Variants in CDK8 observed in about 807,000 individuals in gnomAD.
The protein encoded by CDK8 is cyclin dependent kinase 8, also known as cyclin-dependent kinase 8.
In CDK8, 29 loss-of-function variants were observed where a neutral mutation model predicts 71.5. That is an observed-to-expected ratio of 0.41 (90% CI 0.30 to 0.55). The LOEUF (loss-of-function observed/expected upper bound fraction) is 0.55. Among genes scored for constraint, CDK8 ranks in the 20% least tolerant of loss-of-function variants. The pLI is 0.37. For synonymous variants in CDK8, 161 were observed against 192.1 expected, an observed-to-expected ratio of 0.84 and a Z score of 1.34; for missense variants, 288 against 572.6, an observed-to-expected ratio of 0.50 and a Z score of 5.07.
chr13:26,332,696 G>A (rs780161698), intron 1 of CDK8, among the ~76,000 whole-genome samples: 8 of 152,114 alleles, frequency 5.3e-5, no homozygotes, highest in Non-Finnish European at 8.8e-5. Flanking sequence ...TCATTCGTAT[G>A]ATGTTAGCTG....
At chr13:26,290,557 A>G (rs1873245865) in intron 1 of CDK8, among the ~76,000 whole-genome samples, 1 of 152,146 alleles carries the variant, frequency 6.6e-6, no homozygotes, top group Non-Finnish European at 1.5e-5. Context: ...AATACTTCAC[A>G]CACACACCCC....
intron 2 of CDK8, among the ~76,000 whole-genome samples, chr13:26,341,098 A>G (rs1200451133): frequency 1.3e-5 from 2 of 152,002 alleles, no homozygotes; most frequent in Non-Finnish European, 2.9e-5. Flanking sequence ...TGACTTTTCT[A>G]CTCACCTCTA....
rs534660115 is a variant in CDK8 at position 26,360,244 on chromosome 13, C to T, written c.456+6364C>T. On this transcript the variant is annotated intron_variant, in intron 4 of 12. Transcript: ENST00000381527. ...GCCAAAGTAGGAGGATTGTTTGAGG[C>T]CAGAAGTTAGAGACCAGCCTGGGCA... Among the ~76,000 whole-genome samples the T allele has an allele frequency of 8.7e-4, 133 of 152,144 alleles. 1 individual carries two copies. The highest frequency in any genetic ancestry group is 3.1e-3 in the African/African-American group (129 of 41,516).
chr13:26,293,950 AC>A (rs554628446), intron 1 of CDK8, among the ~76,000 whole-genome samples: 394 of 152,230 alleles, frequency 2.6e-3, no homozygotes, highest in Non-Finnish European at 4.1e-3. Context: ...GCCCCTGGTA[AC>A]CACCATTCTA....
chr13:26,293,601 CAAAAAA>C (rs56727160), intron 1 of CDK8, among the ~76,000 whole-genome samples: 17 of 103,808 alleles, frequency 1.6e-4, no homozygotes, highest in Non-Finnish European at 2.0e-4. Context: ...GAGACTGTCT[CAAAAAA>C]AAAAAAAAAA....
intron 1 of CDK8, among the ~76,000 whole-genome samples, chr13:26,277,036 G>T (rs1196402467): frequency 6.6e-6 from 1 of 152,128 alleles, no homozygotes; most frequent in East Asian, 1.9e-4. Context: ...AAGAATAAAA[G>T]AATGCTTGAG....
At chr13:26,319,117 C>T (rs1019142282) in intron 1 of CDK8, among the ~76,000 whole-genome samples, 2 of 152,060 alleles carry the variant, frequency 1.3e-5, no homozygotes, top group Non-Finnish European at 2.9e-5. Context: ...TTTCCGTACA[C>T]TAATAGAAAA....
intron 1 of CDK8, among the ~76,000 whole-genome samples, chr13:26,330,234 G>C (rs1281328068): frequency 6.6e-6 from 1 of 152,004 alleles, no homozygotes; most frequent in Admixed American, 6.6e-5. Context: ...TTATGAGACA[G>C]AGTCTCTGTC....
chr13:26,326,185 G>A (rs1373428817), intron 1 of CDK8, among the ~76,000 whole-genome samples: 1 of 152,186 alleles, frequency 6.6e-6, no homozygotes, highest in Non-Finnish European at 1.5e-5. Context: ...TATTTAAAGA[G>A]TTGCTTAGTA....
intron 4 of CDK8, among the ~76,000 whole-genome samples, chr13:26,361,918 C>CCA (rs1363181878): frequency 6.6e-6 from 1 of 150,848 alleles, no homozygotes; most frequent in Non-Finnish European, 1.5e-5. Flanking sequence ...GCCTGAGCCA[C>CCA]CACACACAGC....
intron 6 of CDK8, among the ~76,000 whole-genome samples, chr13:26,386,843 T>A (rs1373021621): frequency 1.3e-5 from 2 of 152,192 alleles, no homozygotes; most frequent in Admixed American, 6.5e-5. Context: ...CATTGGTAGA[T>A]CACCTGGGTT....
At chr13:26,374,406 GAA>G (rs1874850311) in intron 4 of CDK8, among the ~76,000 whole-genome samples, 1 of 152,038 alleles carries the variant, frequency 6.6e-6, no homozygotes, top group Non-Finnish European at 1.5e-5. Context: ...ATGTATATAA[GAA>G]AATTAGCATA....
intron 5 of CDK8, among the ~76,000 whole-genome samples, chr13:26,384,103 T>C (rs948809310): frequency 6.6e-6 from 1 of 152,244 alleles, no homozygotes; most frequent in Non-Finnish European, 1.5e-5. Flanking sequence ...AGTTTGGAAT[T>C]ATAGTTCTAT....
chr13:26,265,258 A>G (rs553315916), intron 1 of CDK8, among the ~76,000 whole-genome samples: 1 of 152,266 alleles, frequency 6.6e-6, no homozygotes, highest in East Asian at 1.9e-4. Flanking sequence ...CCATGGTCTA[A>G]TAACTCTTTA....
chr13:26,361,684 G>C (rs941844864), intron 4 of CDK8, among the ~76,000 whole-genome samples: 12 of 150,096 alleles, frequency 8.0e-5, no homozygotes, highest in Non-Finnish European at 1.5e-5. Context: ...TCACGCCATT[G>C]TAAGTTGGAG....
Position 26,254,603 on chromosome 13 carries a change from G to GCCCCCCCCC in CDK8, c.-33_-32insCCCCCCCCC. ...CCCCGGTCCCCACCCCTGCCCCCCG[G>GCCCCCCCCC]CCCCCCGACCCAGCTCTCCGGCCTC... is the stretch of plus-strand genomic sequence containing the variant. On this transcript the variant is annotated 5_prime_UTR_variant, in exon 1 of 13. Coordinates refer to ENST00000381527, the MANE Select transcript of CDK8 (RefSeq NM_001260.3). This position sits in a 1 kb window ranked among gnomAD's most constrained non-coding sequence, Gnocchi z 6.7. 6.9e-7 allele frequency: 1 copy of GCCCCCCCCC among 1,454,168 alleles called. No individual in the cohort carries two copies. The highest frequency in any genetic ancestry group is 9.4e-7 in the Non-Finnish European group (1 of 1,067,018). The allele number at this position is 1,454,168 out of a possible 1,614,324, so 90.1% of individuals were successfully genotyped here. A position where few individuals can be genotyped will look rare whatever the true frequency, so the allele number is the denominator to read the frequency against.
chr13:26,400,570 A>G lies in CDK8; in HGVS notation c.1031+20A>G. ...ATCAGAGTAAGTGGCCTAGTTGGTTAACTCATCAGCATGATGGAAGTTTTG... is the reference window on the plus strand; with the variant it reads ...ATCAGAGTAAGTGGCCTAGTTGGTTGACTCATCAGCATGATGGAAGTTTTG... On this transcript the variant is annotated intron_variant, in intron 10 of 12. Transcript: ENST00000381527. 1.4e-6 allele frequency: 2 copies of G among 1,411,640 alleles called. No individual in the cohort carries two copies. The highest frequency in any genetic ancestry group is 2.0e-6 in the Non-Finnish European group (2 of 995,916). The allele number at this position is 1,411,640 out of a possible 1,614,324, so 87.4% of individuals were successfully genotyped here.
intron 2 of CDK8, among the ~76,000 whole-genome samples, chr13:26,345,851 A>G (rs1019210817): frequency 6.6e-6 from 1 of 152,232 alleles, no homozygotes; most frequent in African/African-American, 2.4e-5. Flanking sequence ...TGTGTTTACC[A>G]AATAGTTAAT....
At chr13:26,321,180 A>G (rs904338660) in intron 1 of CDK8, among the ~76,000 whole-genome samples, 1 of 152,220 alleles carries the variant, frequency 6.6e-6, no homozygotes. Flanking sequence ...AGATGAGCAA[A>G]TGTGTAAGGA....
Sources: allele counts gnomAD v4.1 joint callset (sites outside exome capture counted in the v4.1 genomes callset), GRCh38; gene constraint gnomAD v4.1.1; non-coding constraint Gnocchi (gnomAD v3.1); transcripts MANE v1.5; gene names NCBI Gene and HGNC (gene_info 2026-07-23, HGNC 2026-07-21).